The following DHRS2 variants were observed in gnomAD, a reference collection of about 807,000 sequenced individuals.
The protein encoded by DHRS2 is dehydrogenase/reductase SDR family member 2, mitochondrial.
A neutral mutation model predicts 26.3 loss-of-function variants in DHRS2; 29 were observed. The observed-to-expected ratio is 1.10, with a 90% CI of 0.82 to 1.50. The LOEUF (loss-of-function observed/expected upper bound fraction) is 1.50. Among genes scored for constraint, DHRS2 ranks in the 40% most tolerant of loss-of-function variants. The probability of loss-of-function intolerance (pLI) is 0.00; values close to 1 mark genes in which losing one functional copy is unlikely to be tolerated. For synonymous variants in DHRS2, 164 were observed against 151.3 expected (o/e 1.08, Z -0.62); for missense variants, 439 against 367.1 (o/e 1.20, Z -1.60).
intron 3 of DHRS2, 91 bp downstream of exon 3, chr14:23,639,447 T>C (rs1890531620): frequency 2.8e-6 from 4 of 1,435,966 alleles, no homozygotes; most frequent in South Asian, 1.5e-5. Flanking sequence ...GTCTAGAATA[T>C]GTCCTGAGAC....
chr14:23,639,592 G>T (rs1890539827), intron 3 of DHRS2, among the ~76,000 whole-genome samples: 1 of 152,106 alleles, frequency 6.6e-6, no homozygotes, highest in Non-Finnish European at 1.5e-5. Context: ...GTCTGAAGGG[G>T]TGAGGGAGGT....
chr14:23,638,631 C>G, intron 1 of DHRS2, 196 bp from the exon 2 acceptor site: 1 of 490,876 alleles, frequency 2.0e-6, no homozygotes, highest in Non-Finnish European at 3.6e-6. Context: ...GAATAATTTC[C>G]CCAGTTTTAT....
At chr14:23,642,549 G>A (rs527380442) in intron 4 of DHRS2, 6 of 152,302 alleles carry the variant, frequency 3.9e-5, no homozygotes, top group African/African-American at 1.2e-4. Context: ...TTCTCCAGAG[G>A]CCTCTGCTTA....
At chr14:23,644,568 C>T (rs760010528) in intron 7 of DHRS2, 25 bp downstream of exon 7, 7 of 1,614,208 alleles carry the variant, frequency 4.3e-6, no homozygotes, top group Middle Eastern at 1.7e-4. Context: ...TGTCTTCCAT[C>T]TCCCAGTCTG....
chr14:23,635,060 CAGGT>C (rs1207007474), upstream of DHRS2, among the ~76,000 whole-genome samples: 1 of 152,018 alleles, frequency 6.6e-6, no homozygotes, highest in Non-Finnish European at 1.5e-5. Context: ...TACCCAGTCT[CAGGT>C]AGTTCTTTTT....
intron 4 of DHRS2, chr14:23,641,893 G>C: frequency 8.3e-7 from 1 of 1,212,088 alleles, no homozygotes; most frequent in Non-Finnish European, 1.1e-6. Flanking sequence ...AGAGATGCAG[G>C]ATGCAGCTGA....
At chr14:23,641,875 C>G (rs1450080689) in intron 4 of DHRS2, 1 of 1,221,554 alleles carries the variant, frequency 8.2e-7, no homozygotes, top group Admixed American at 2.8e-5. Context: ...GATGTGGTCT[C>G]ATTCCCTAGA....
chr14:23,636,109 A>G (rs1253755203), upstream of DHRS2, among the ~76,000 whole-genome samples: 2 of 152,014 alleles, frequency 1.3e-5, no homozygotes, highest in Non-Finnish European at 2.9e-5. Flanking sequence ...TGTCTAGCCA[A>G]TCTGGTGGGG....
upstream of DHRS2, among the ~76,000 whole-genome samples, chr14:23,633,405 C>G (rs1890176658): frequency 6.6e-6 from 1 of 152,164 alleles, no homozygotes; most frequent in Admixed American, 6.5e-5. Flanking sequence ...TCTCTGTATT[C>G]CAGGCACATA....
chr14:23,644,889 G>A lies in DHRS2; in HGVS notation c.731+7G>A. On this transcript the variant is annotated splice_region_variant and intron_variant, in intron 8 of 8. Coordinates refer to ENST00000250383, the MANE Select transcript of DHRS2 (RefSeq NM_005794.4). ...AACATCATCAGCTGCAGAGGCAAGT[G>A]GGGTTTGGAGATTTGGTGGTCCATG... The A allele has an allele frequency of 6.2e-7, 1 of 1,614,154 alleles. No individual in the cohort carries two copies. Among genetic ancestry groups the A allele is most frequent in the Non-Finnish European group, 8.5e-7 (1 of 1,179,986 alleles).
rs1393199923 is a variant in DHRS2, at chr14:23,637,263, T to C, written c.-39+491T>C. Among the ~76,000 whole-genome samples, 5 of 152,214 alleles carry C rather than the reference T, an allele frequency of 3.3e-5. No homozygotes were observed. The East Asian group carries it at 7.7e-4, about 23-fold the overall frequency. On this transcript the variant is annotated intron_variant, in intron 1 of 8. Coordinates refer to ENST00000250383, the MANE Select transcript of DHRS2 (RefSeq NM_005794.4). ...TCTGGTGCTTTTCTAATTTCTCTTA[T>C]AAGAATGATTTCTAGTAAAAATTTC...
At chr14:23,639,086 A>G in intron 2 of DHRS2, 82 bp downstream of exon 2, 1 of 1,593,296 alleles carries the variant, frequency 6.3e-7, no homozygotes, top group Non-Finnish European at 8.5e-7. Flanking sequence ...TTAAAGCAAG[A>G]CCCAGCCTTA....
chr14:23,643,878 G>C (rs978213966), intron 5 of DHRS2: 5 of 559,120 alleles, frequency 8.9e-6, no homozygotes, highest in Non-Finnish European at 1.6e-5. Flanking sequence ...AGAAGATAAG[G>C]GTTCTGAGCA....
Position 23,644,864 on chromosome 14 carries a change from A to G in DHRS2, c.713A>G (p.Glu238Gly), listed in dbSNP as rs1285163499. 3 of 1,614,098 alleles carry G rather than the reference A, an allele frequency of 1.9e-6. No individual in the cohort carries two copies. Among genetic ancestry groups the G allele is most frequent in the Non-Finnish European group, 2.5e-6 (3 of 1,180,050 alleles). Residue 238 changes from glutamate (E) to glycine (G), a missense_variant, in exon 8 of 9, where the codon GAA becomes GGA. Coordinates refer to ENST00000250383, the MANE Select transcript of DHRS2 (RefSeq NM_005794.4). ...GAGTCTCTCTGGAAGAACTTCAAGG[A>G]ACATCATCAGCTGCAGAGGCAAGTG... Reference protein sequence around the residue: ...GNESLWKNFKEHHQLQRIGES... With the variant: ...GNESLWKNFKGHHQLQRIGES...
rs201975802 is a variant in DHRS2, at chr14:23,645,212, G to A, written c.802G>A (p.Gly268Arg). ...CTCTCCAGATGCCAGCTACGTCAAC[G>A]GGGAGAACATTGCGGTGGCAGGCTA... Reference protein sequence around the residue: ...LCSPDASYVNGENIAVAGYST... With the variant: ...LCSPDASYVNRENIAVAGYST... Residue 268 changes from glycine (G) to arginine (R), a missense_variant, in exon 9 of 9, where the codon GGG becomes AGG. Transcript: ENST00000250383. The A allele has an allele frequency of 7.6e-5, 123 of 1,614,184 alleles. No individual in the cohort carries two copies. Among genetic ancestry groups the A allele is most frequent in the African/African-American group, 1.5e-4 (11 of 75,040 alleles).
At chr14:23,641,670 C>T (rs1249620472) in intron 4 of DHRS2, 1 of 1,289,842 alleles carries the variant, frequency 7.8e-7, no homozygotes, top group Non-Finnish European at 1.0e-6. Context: ...TATTAGGGAC[C>T]TCAGGGTGGT....
chr14:23,635,731 C>T (rs1414536955), upstream of DHRS2, among the ~76,000 whole-genome samples: 1 of 152,268 alleles, frequency 6.6e-6, no homozygotes, highest in South Asian at 2.1e-4. Context: ...CACCACTGCA[C>T]TGTGGGGGCC....
rs1174752313 is a variant in DHRS2, at chr14:23,645,524, G to C, written c.*271G>C. On this transcript the variant is annotated 3_prime_UTR_variant, in exon 9 of 9. Coordinates refer to ENST00000250383, the MANE Select transcript of DHRS2 (RefSeq NM_005794.4). ...GATTTTATGGAGCTGGTGCTTTGGA[G>C]GAATCTTAAGGGAAAGGAGTAGAAG... 3.6e-6 allele frequency: 2 copies of C among 555,916 alleles called. No individual in the cohort carries two copies. The highest frequency in any genetic ancestry group is 6.2e-6 in the Non-Finnish European group (2 of 322,860). 34.4% of individuals were successfully genotyped at this position (555,916 alleles called of 1,614,324 possible).
At position 23,645,371 on chromosome 14, in the gene DHRS2, G is replaced by A. The variant is rs1271645175; in HGVS notation, c.*118G>A. 1.3e-6 allele frequency: 2 copies of A among 1,587,066 alleles called. No homozygotes were observed. Among genetic ancestry groups the A allele is most frequent in the Non-Finnish European group, 1.7e-6 (2 of 1,169,686 alleles). On this transcript the variant is annotated 3_prime_UTR_variant, in exon 9 of 9. Transcript: ENST00000250383. ...CATTCTGCCAGACTAGCAATTTGGG[G>A]GCTTACTCATGCTAGGCTTGAGGAA...
Sources: gnomAD v4.1 joint callset for allele counts (sites outside exome capture counted in the v4.1 genomes callset) on GRCh38, gnomAD v4.1.1 for gene constraint, MANE v1.5 for transcripts, NCBI Gene and HGNC (gene_info 2026-07-23, HGNC 2026-07-21) for gene names.